Variants in NPHP4 observed in about 807,000 individuals in gnomAD.
NPHP4 encodes the protein nephrocystin-4.
NPHP4 carries 151 observed loss-of-function variants against 155.8 expected under a neutral mutation model. The observed-to-expected ratio is 0.97, with a 90% CI of 0.85 to 1.11. NPHP4 has a LOEUF of 1.11. Among genes scored for constraint, NPHP4 ranks in the 50% least tolerant of loss-of-function variants. NPHP4 has a pLI of 0.00. For missense variants in NPHP4, 1,956 were observed against 1,925.7 expected (o/e 1.02, Z -0.29); for synonymous variants, 845 against 816.8 (o/e 1.03, Z -0.59).
At chr1:5,973,644 AACTT>A (rs1652995229) in intron 3 of NPHP4, among the ~76,000 whole-genome samples, 2 of 152,182 alleles carry the variant, frequency 1.3e-5, no homozygotes, top group Non-Finnish European at 2.9e-5. Flanking sequence ...AAAATTGACA[AACTT>A]ACAGCTTTCC....
intron 19 of NPHP4, chr1:5,877,566 C>T (rs1642747513): frequency 5.9e-6 from 2 of 339,540 alleles, no homozygotes; most frequent in South Asian, 2.5e-4. Context: ...GCTGTCAACA[C>T]ACCACCAGGG....
At chr1:5,872,683 C>A (rs1445789774) in intron 23 of NPHP4, among the ~76,000 whole-genome samples, 3 of 152,150 alleles carry the variant, frequency 2.0e-5, no homozygotes, top group East Asian at 3.8e-4. Context: ...GTAAGAAAGA[C>A]CAAAGCTTTT....
At position 5,890,553 on chromosome 1, in the gene NPHP4, C is replaced by T. The variant is rs114285784; in HGVS notation, c.2304+315G>A. On this transcript the variant is annotated intron_variant, in intron 17 of 29. Coordinates refer to ENST00000378156, the MANE Select transcript of NPHP4 (RefSeq NM_015102.5). The surrounding 1 kb of genome is among the most constrained non-coding windows in gnomAD (Gnocchi z 4.9). ...AACCCACCTCGGATGCACCTGCCCTCACCACATTCACCACATGGGAGGAGA... is the reference window on the plus strand; with the variant it reads ...AACCCACCTCGGATGCACCTGCCCTTACCACATTCACCACATGGGAGGAGA... Among the ~76,000 whole-genome samples, 779 of 152,286 alleles carry T rather than the reference C, an allele frequency of 5.1e-3. 6 individuals are homozygous for T. The highest frequency in any genetic ancestry group is 0.017 in the African/African-American group (726 of 41,556).
intron 9 of NPHP4, among the ~76,000 whole-genome samples, chr1:5,942,214 C>T (rs892134367): frequency 1.3e-5 from 2 of 152,058 alleles, no homozygotes; most frequent in African/African-American, 4.8e-5. Flanking sequence ...ACCCAAGCAA[C>T]ATACGCATTA....
At chr1:5,981,779 C>T (rs1467983427) in intron 2 of NPHP4, among the ~76,000 whole-genome samples, 1 of 152,206 alleles carries the variant, frequency 6.6e-6, no homozygotes, top group Non-Finnish European at 1.5e-5. Flanking sequence ...TGCATTCCTG[C>T]AGTAAGCCCC....
At chr1:5,950,088 G>A (rs1311148075) in intron 7 of NPHP4, among the ~76,000 whole-genome samples, 2 of 152,012 alleles carry the variant, frequency 1.3e-5, no homozygotes, top group South Asian at 2.1e-4. Flanking sequence ...TTTAAGAGAG[G>A]GTCCCTAAAA....
intron 16 of NPHP4, among the ~76,000 whole-genome samples, chr1:5,900,427 G>C (rs1222966827): frequency 1.3e-5 from 2 of 152,170 alleles, no homozygotes; most frequent in East Asian, 3.8e-4. Context: ...GGAACTAAAT[G>C]CACAGTGCTG....
At chr1:5,962,936 A>G (rs1371110354) in intron 5 of NPHP4, among the ~76,000 whole-genome samples, 2 of 152,162 alleles carry the variant, frequency 1.3e-5, no homozygotes, top group African/African-American at 4.8e-5. Flanking sequence ...GATTTTCTCC[A>G]GTGACAGGAA....
chr1:5,865,334 G>C (rs1266031827), intron 26 of NPHP4, 61 bp from the exon 27 acceptor site: 13 of 1,394,688 alleles, frequency 9.3e-6, no homozygotes, highest in Middle Eastern at 5.1e-4. Flanking sequence ...GCCCACGAGA[G>C]GCCAACAAGG....
rs780955266 is a variant in NPHP4, at chr1:5,915,817, C to T, written c.1442-6604G>A. Among the ~76,000 whole-genome samples, 9 of 152,322 alleles carry T rather than the reference C, an allele frequency of 5.9e-5. No individual in the cohort carries two copies. In the East Asian group the frequency reaches 1.5e-3, roughly 26 times the overall value. On this transcript the variant is annotated intron_variant, in intron 11 of 29. Coordinates refer to ENST00000378156, the MANE Select transcript of NPHP4 (RefSeq NM_015102.5). The stretch of plus-strand genomic sequence containing the variant: ...AAAATGCACCCTTACCACCTGCACA[C>T]GAACTTCCATTCCGTGGTTGGAGGG...
chr1:5,936,583 C>G (rs1646552306), intron 9 of NPHP4, among the ~76,000 whole-genome samples: 1 of 151,834 alleles, frequency 6.6e-6, no homozygotes, highest in African/African-American at 2.4e-5. Context: ...TATAACAGCA[C>G]CAAATACACA....
intron 16 of NPHP4, among the ~76,000 whole-genome samples, chr1:5,896,274 C>A (rs74049306): frequency 6.6e-6 from 1 of 151,646 alleles, no homozygotes; most frequent in Admixed American, 6.6e-5. Flanking sequence ...TGTAAATAGT[C>A]CAAAAAAATT....
chr1:5,927,840 T>G, intron 10 of NPHP4, 53 bp from the exon 11 acceptor site: 1 of 1,558,428 alleles, frequency 6.4e-7, no homozygotes, highest in East Asian at 2.3e-5. Context: ...AGCACGCCTA[T>G]CAGAACGATC....
At chr1:5,897,520 G>A (rs1432616445) in intron 16 of NPHP4, among the ~76,000 whole-genome samples, 9 of 152,140 alleles carry the variant, frequency 5.9e-5, no homozygotes, top group East Asian at 1.9e-4. Context: ...TTCAGCCGTC[G>A]CTCCCGGCAT....
chr1:5,978,448 T>C, intron 2 of NPHP4, 35 bp from the exon 3 acceptor site: 2 of 1,579,534 alleles, frequency 1.3e-6, no homozygotes. Flanking sequence ...CTCAAGAGTC[T>C]GAGCACCATG....
At chr1:5,868,136 C>A (rs1457561767) in intron 23 of NPHP4, 4 of 647,782 alleles carry the variant, frequency 6.2e-6, no homozygotes, top group Non-Finnish European at 1.1e-5. Flanking sequence ...ACCCAAGCAG[C>A]CACACTGCCA....
intron 21 of NPHP4, 53 bp from the exon 22 acceptor site, chr1:5,874,710 A>G (rs944879014): frequency 4.4e-6 from 7 of 1,579,688 alleles, no homozygotes; most frequent in Non-Finnish European, 4.3e-6. Flanking sequence ...GAGGACCCAC[A>G]GGAGGCTGCG....
At chr1:5,988,902 T>A (rs1655861768) in intron 1 of NPHP4, among the ~76,000 whole-genome samples, 1 of 151,946 alleles carries the variant, frequency 6.6e-6, no homozygotes, top group South Asian at 2.1e-4. Flanking sequence ...GTGGGCCAGG[T>A]ATTCCTGAGG....
intron 9 of NPHP4, among the ~76,000 whole-genome samples, chr1:5,943,719 T>C (rs1316345457): frequency 6.6e-6 from 1 of 152,228 alleles, no homozygotes; most frequent in Non-Finnish European, 1.5e-5. Flanking sequence ...GTCCGTTTCT[T>C]ATTAAGTAAA....
Sources: gnomAD v4.1 joint callset for allele counts (sites outside exome capture counted in the v4.1 genomes callset) on GRCh38, gnomAD v4.1.1 for gene constraint, Gnocchi (gnomAD v3.1) non-coding constraint, MANE v1.5 for transcripts, NCBI Gene and HGNC (gene_info 2026-07-23, HGNC 2026-07-21) for gene names.